Variants in SHMT1 observed in about 807,000 individuals in gnomAD.
The protein encoded by SHMT1 is serine hydroxymethyltransferase, cytosolic.
A neutral mutation model predicts 49.0 loss-of-function variants in SHMT1; 45 were observed. That is an observed-to-expected ratio of 0.92 (90% CI 0.72 to 1.18). The LOEUF (loss-of-function observed/expected upper bound fraction) is 1.18, where lower values mean the gene tolerates loss of function less well. Among genes scored for constraint, SHMT1 ranks in the 50% most tolerant of loss-of-function variants. The pLI, the probability that SHMT1 is intolerant of heterozygous loss-of-function variation, is 0.00. For synonymous variants in SHMT1, 232 were observed against 246.6 expected (o/e 0.94, Z 0.55); for missense variants, 541 against 612.4 (o/e 0.88, Z 1.23).
At position 18,340,036 on chromosome 17, in the gene SHMT1, A is replaced by T. The variant is rs775322068; in HGVS notation, c.814+7T>A. The T allele has an allele frequency of 6.2e-7, 1 of 1,612,580 alleles. No homozygotes were observed. The highest frequency in any genetic ancestry group is 1.7e-5 in the Admixed American group (1 of 59,996). On this transcript the variant is annotated splice_region_variant and intron_variant, in intron 7 of 11. Transcript: ENST00000316694. This position sits in a 1 kb window ranked among gnomAD's most constrained non-coding sequence, Gnocchi z 4.5. ...TACCCATCTGTACCCAACATTCGGG[A>T]GCTCACCTTTCCTGTAGAAGATCAT...
chr17:18,350,719 T>C, intron 3 of SHMT1, among the ~76,000 whole-genome samples: 1 of 152,012 alleles, frequency 6.6e-6, no homozygotes. Flanking sequence ...TCATTAACGT[T>C]AGGTCAACAC....
chr17:18,346,132 C>T (rs9902498), intron 5 of SHMT1, among the ~76,000 whole-genome samples: 6,241 of 152,188 alleles, frequency 0.041, 319 homozygotes, highest in African/African-American at 0.12. Context: ...ATCACCAGCA[C>T]TGAGACAAAG....
At chr17:18,337,200 G>T (rs1983887207) in intron 7 of SHMT1, among the ~76,000 whole-genome samples, 1 of 152,152 alleles carries the variant, frequency 6.6e-6, no homozygotes, top group African/African-American at 2.4e-5. Flanking sequence ...CACTCTAGAG[G>T]TGAGGAAATG....
intron 1 of SHMT1, among the ~76,000 whole-genome samples, chr17:18,358,295 T>A (rs1053547549): frequency 2.7e-5 from 4 of 149,742 alleles, no homozygotes; most frequent in Admixed American, 6.7e-5. Flanking sequence ...ATCGAGACCA[T>A]CCTGGCCTAC....
intron 8 of SHMT1, 69 bp from the exon 9 acceptor site, chr17:18,333,357 ATTCCTGTTTT>A (rs1237150122): frequency 2.0e-6 from 3 of 1,516,706 alleles, no homozygotes; most frequent in Non-Finnish European, 2.7e-6. Flanking sequence ...GTCAAACAAC[ATTCCTGTTTT>A]TACTCAAGCT....
chr17:18,335,727 T>C (rs2151571044), intron 7 of SHMT1, 52 bp from the exon 8 acceptor site: 1 of 1,327,582 alleles, frequency 7.5e-7, no homozygotes, highest in East Asian at 2.3e-5. Context: ...CCCCTCTTTT[T>C]CTTTTTAGGC....
At chr17:18,362,369 G>A (rs1375583299) in intron 1 of SHMT1, among the ~76,000 whole-genome samples, 2 of 151,756 alleles carry the variant, frequency 1.3e-5, no homozygotes, top group Non-Finnish European at 2.9e-5. Flanking sequence ...CACTCAGGCT[G>A]GAGTGCAGTG....
chr17:18,333,119 A>G (rs1464255925), intron 9 of SHMT1, 47 bp downstream of exon 9: 1 of 1,610,690 alleles, frequency 6.2e-7, no homozygotes, highest in Non-Finnish European at 8.5e-7. Flanking sequence ...AGCAAGCCTT[A>G]ATACAACCAC....
rs1390814545 is a variant in SHMT1, at chr17:18,335,604, C to T, written c.886G>A (p.Val296Met). ...YNLESLINSAVFPGLQGGPHN... is the reference protein window; with the variant it reads ...YNLESLINSAMFPGLQGGPHN... The stretch of plus-strand genomic sequence containing the variant: ...GGACCTCCCTGCAGGCCAGGGAACA[C>T]AGCAGAATTGATAAGAGACTCCAGG... The change falls in exon 8 of 12, where the codon GTG (valine) becomes ATG (methionine). Residue 296 changes from valine to methionine, a missense_variant. Transcript: ENST00000316694. The T allele has an allele frequency of 3.1e-6, 5 of 1,613,970 alleles. No homozygotes were observed. Among genetic ancestry groups the T allele is most frequent in the African/African-American group, 2.7e-5 (2 of 74,928 alleles).
At chr17:18,362,372 G>A (rs1388691345) in intron 1 of SHMT1, among the ~76,000 whole-genome samples, 1 of 151,942 alleles carries the variant, frequency 6.6e-6, no homozygotes, top group Non-Finnish European at 1.5e-5. Context: ...TCAGGCTGGA[G>A]TGCAGTGGCG....
At position 18,328,731 on chromosome 17, in the gene SHMT1, CCA is replaced by C; in HGVS notation, c.*17_*18del. 1 of 1,552,882 alleles carries C rather than the reference CCA, an allele frequency of 6.4e-7. No individual in the cohort carries two copies. The highest frequency in any genetic ancestry group is 8.7e-7 in the Non-Finnish European group (1 of 1,148,740). ...GCTTCCTCTGTGGCGCCAGGTGGGTCCAGAGTGGGCCCGCTCCTTTAGAAGTC... is the reference window on the plus strand; with the variant it reads ...GCTTCCTCTGTGGCGCCAGGTGGGTCGAGTGGGCCCGCTCCTTTAGAAGTC... On this transcript the variant is annotated 3_prime_UTR_variant, in exon 12 of 12. Coordinates refer to ENST00000316694, the MANE Select transcript of SHMT1 (RefSeq NM_004169.5).
At chr17:18,334,930 C>G (rs1381993956) in intron 8 of SHMT1, among the ~76,000 whole-genome samples, 3 of 152,230 alleles carry the variant, frequency 2.0e-5, no homozygotes, top group Non-Finnish European at 4.4e-5. Flanking sequence ...CCCCAGGTTC[C>G]TCTCTAGAAG....
intron 5 of SHMT1, chr17:18,341,245 C>T (rs922505610): frequency 1.2e-5 from 3 of 242,244 alleles, no homozygotes; most frequent in African/African-American, 6.8e-5. Context: ...TAAAAACTGA[C>T]ATTACACACA....
At chr17:18,348,856 T>C (rs958957323) in intron 3 of SHMT1, among the ~76,000 whole-genome samples, 1 of 151,306 alleles carries the variant, frequency 6.6e-6, no homozygotes, top group Admixed American at 6.6e-5. Context: ...TGTGTGCCCA[T>C]AGTCCCAGCT....
At chr17:18,332,868 C>T in intron 9 of SHMT1, 1 of 436,220 alleles carries the variant, frequency 2.3e-6, no homozygotes, top group Non-Finnish European at 4.4e-6. Flanking sequence ...AGCCCAACCT[C>T]TCAGTTGAGC....
At chr17:18,345,407 G>A (rs564726510) in intron 5 of SHMT1, among the ~76,000 whole-genome samples, 12 of 151,412 alleles carry the variant, frequency 7.9e-5, no homozygotes, top group African/African-American at 2.2e-4. Context: ...ACAGGTGCCC[G>A]CCACCACGTC....
Position 18,329,299 on chromosome 17 carries a change from C to CT in SHMT1, c.1260dup (p.Val421SerfsTer36), listed in dbSNP as rs1467363697. On this transcript the variant is annotated frameshift_variant, in exon 11 of 12. Coordinates refer to ENST00000316694, the MANE Select transcript of SHMT1 (RefSeq NM_004169.5). LOFTEE classifies it low-confidence loss of function (END_TRUNC). ...TTACCTCTGTGAATAAAGTGGGCTACTTTTTGGAAGTCTTTTTCCAAAAGT... is the reference window on the plus strand; with the variant it reads ...TTACCTCTGTGAATAAAGTGGGCTACTTTTTTGGAAGTCTTTTTCCAAAAGT... 1.2e-6 allele frequency: 2 copies of CT among 1,613,044 alleles called. No homozygotes were observed. Among genetic ancestry groups the CT allele is most frequent in the African/African-American group, 2.7e-5 (2 of 75,022 alleles).
intron 2 of SHMT1, 79 bp from the exon 3 acceptor site, chr17:18,353,896 AAAGAG>A (rs1555585393): frequency 2.5e-5 from 30 of 1,219,730 alleles, no homozygotes; most frequent in Non-Finnish European, 3.6e-5. Context: ...ACAACCTCCT[AAAGAG>A]AAAAGACACT....
rs757097029 is a variant in SHMT1 at position 18,348,353 on chromosome 17, G to C, written c.330C>G (p.Cys110Trp). The C allele has an allele frequency of 4.0e-5, 64 of 1,613,304 alleles. No homozygotes were observed. In the Middle Eastern group the frequency reaches 6.6e-4, roughly 17 times the overall value. Residue 110 changes from cysteine (C) to tryptophan (W), a missense_variant, in exon 4 of 12, where the codon TGC (cysteine) becomes TGG (tryptophan). Coordinates refer to ENST00000316694, the MANE Select transcript of SHMT1 (RefSeq NM_004169.5). ...ALQAYKLDPQCWGVNVQPYSG... is the reference protein window; with the variant it reads ...ALQAYKLDPQWWGVNVQPYSG... ...AGTAGGGCTGGACGTTGACCCCCCA[G>C]CACTGTGGGTCCAGCTTATAGGCCT... is the stretch of plus-strand genomic sequence containing the variant.
Sources: allele counts gnomAD v4.1 joint callset (sites outside exome capture counted in the v4.1 genomes callset), GRCh38; gene constraint gnomAD v4.1.1; non-coding constraint Gnocchi (gnomAD v3.1); transcripts MANE v1.5; gene names NCBI Gene and HGNC (gene_info 2026-07-23, HGNC 2026-07-21).